Variants in PMM2 observed in about 807,000 individuals in gnomAD.
The protein encoded by PMM2 is phosphomannomutase 2, also known as mannose-6-phosphate isomerase.
Under a neutral mutation model 33.2 loss-of-function variants are expected in PMM2, and 35 were observed. That is an observed-to-expected ratio of 1.06 (90% CI 0.81 to 1.40). The LOEUF (loss-of-function observed/expected upper bound fraction) is 1.40, where lower values mean the gene tolerates loss of function less well. Ranked by LOEUF, PMM2 falls within the 40% of genes most tolerant of loss-of-function variation. PMM2 has a pLI of 0.00. For missense variants in PMM2, 386 were observed against 306.0 expected (o/e 1.26, Z -1.95); for synonymous variants, 153 against 114.7 (o/e 1.33, Z -2.13).
At chr16:8,818,683 T>C (rs926446993) in intron 7 of PMM2, among the ~76,000 whole-genome samples, 11 of 151,006 alleles carry the variant, frequency 7.3e-5, no homozygotes, top group African/African-American at 2.7e-4. Context: ...AAGGGTGCCA[T>C]CTGCTTGGAG....
chr16:8,813,093 A>G lies in PMM2; in HGVS notation c.626A>G (p.Asp209Gly). ...TATAAGACCATTTATTTCTTTGGAGACAAAACTATGCCAGTAAGTAGAGAA... is the reference window on the plus strand; with the variant it reads ...TATAAGACCATTTATTTCTTTGGAGGCAAAACTATGCCAGTAAGTAGAGAA... The part of the protein sequence containing the change: ...DGYKTIYFFG[D>G]KTMPGGNDHE... The change falls in exon 7 of 8, where the codon GAC (aspartate) becomes GGC (glycine). Residue 209 changes from aspartate to glycine, a missense_variant. Coordinates refer to ENST00000268261, the MANE Select transcript of PMM2 (RefSeq NM_000303.3). 1 of 1,592,766 alleles carries G rather than the reference A, an allele frequency of 6.3e-7. No homozygotes were observed. The highest frequency in any genetic ancestry group is 8.6e-7 in the Non-Finnish European group (1 of 1,160,522).
intron 7 of PMM2, among the ~76,000 whole-genome samples, chr16:8,839,307 C>T (rs1056512947): frequency 6.6e-6 from 1 of 151,826 alleles, no homozygotes; most frequent in South Asian, 2.1e-4. Context: ...AAGAAGAGAC[C>T]TTGTGCGAGG....
At chr16:8,827,827 TATA>T (rs1223940967) in intron 7 of PMM2, among the ~76,000 whole-genome samples, 1 of 99,032 alleles carries the variant, frequency 1.0e-5, no homozygotes. Context: ...TAATATATAT[TATA>T]TATATTGTAT....
Position 8,814,319 on chromosome 16 carries a change from C to T in PMM2, c.639+1213C>T, listed in dbSNP as rs2060694274. Among the ~76,000 whole-genome samples the T allele has an allele frequency of 2.0e-5, 3 of 152,194 alleles. No individual in the cohort carries two copies. In the South Asian group the frequency reaches 6.2e-4, roughly 32 times the overall value. On this transcript the variant is annotated intron_variant, in intron 7 of 7. Coordinates refer to ENST00000268261, the MANE Select transcript of PMM2 (RefSeq NM_000303.3). ...AGTTACTCCCATCCTCTGGGCCCCT[C>T]TGCCTCCCTCCCACATGCAGGCTGG...
rs569463699 is a variant in PMM2, at chr16:8,840,866, G to A, written c.640-6858G>A. ...CCAGCTAGGGTGTCTTCATATGGCT[G>A]GGGATCTGGAGTAGGCAAGAGAAGC... On this transcript the variant is annotated intron_variant, in intron 7 of 7. Coordinates refer to ENST00000268261, the MANE Select transcript of PMM2 (RefSeq NM_000303.3). Among the ~76,000 whole-genome samples, 28 of 152,090 alleles carry A rather than the reference G, an allele frequency of 1.8e-4. 1 individual carries two copies. The highest frequency in any genetic ancestry group is 1.2e-3 in the South Asian group (6 of 4,810).
At chr16:8,827,963 TTA>T (rs375365502) in intron 7 of PMM2, among the ~76,000 whole-genome samples, 34 of 116,736 alleles carry the variant, frequency 2.9e-4, no homozygotes, top group Non-Finnish European at 4.6e-4. Flanking sequence ...ATTTATAAAT[TTA>T]TATATATATA....
intron 7 of PMM2, among the ~76,000 whole-genome samples, chr16:8,845,633 C>T (rs1339606413): frequency 6.6e-6 from 1 of 151,676 alleles, no homozygotes; most frequent in South Asian, 2.1e-4. Context: ...GGCTGAAGTA[C>T]AGTGGTCTGT....
intron 7 of PMM2, among the ~76,000 whole-genome samples, chr16:8,840,654 C>A (rs1339367585): frequency 1.3e-5 from 2 of 151,944 alleles, no homozygotes; most frequent in African/African-American, 4.8e-5. Context: ...AGAGTACTTG[C>A]AACTTCCAGG....
intron 2 of PMM2, among the ~76,000 whole-genome samples, chr16:8,802,594 C>T (rs867314262): frequency 2.6e-5 from 4 of 152,028 alleles, no homozygotes; most frequent in South Asian, 2.1e-4. Context: ...TTGGGGAGGC[C>T]GAGGCGGATG....
intron 7 of PMM2, among the ~76,000 whole-genome samples, chr16:8,815,218 CT>C (rs59339190): frequency 0.024 from 3,348 of 138,456 alleles, 114 homozygotes; most frequent in African/African-American, 0.08. Flanking sequence ...TATTTTCTTT[CT>C]TTTTTTTTTT....
At chr16:8,827,978 A>T (rs1236860978) in intron 7 of PMM2, among the ~76,000 whole-genome samples, 5 of 122,832 alleles carry the variant, frequency 4.1e-5, no homozygotes, top group African/African-American at 1.2e-4. Flanking sequence ...TATATATATA[A>T]AACTTGGATA....
rs373753127 is a variant in PMM2, at chr16:8,818,201, G to A, written c.639+5095G>A. Among the ~76,000 whole-genome samples the A allele has an allele frequency of 8.4e-3, 1,212 of 143,436 alleles. 15 individuals are homozygous for A. Among genetic ancestry groups the A allele is most frequent in the African/African-American group, 0.028 (1,135 of 41,054 alleles). 94.1% of individuals were successfully genotyped at this position (143,436 alleles called of 152,430 possible). A position where few individuals can be genotyped will look rare whatever the true frequency, so the allele number is the denominator to read the frequency against. On this transcript the variant is annotated intron_variant, in intron 7 of 7. Transcript: ENST00000268261. ...ACAGGCGTGAGCCACTGCGCCTGGC[G>A]CAAAGAAGATTTTTAATGGCTGTAT...
chr16:8,841,149 G>A (rs993280846), intron 7 of PMM2, among the ~76,000 whole-genome samples: 5,107 of 148,456 alleles, frequency 0.034, 161 homozygotes, highest in Middle Eastern at 0.11. Context: ...CCATTAGTCC[G>A]TTCTACCTTT....
At chr16:8,839,357 C>T (rs2060873999) in intron 7 of PMM2, among the ~76,000 whole-genome samples, 1 of 151,912 alleles carries the variant, frequency 6.6e-6, no homozygotes, top group African/African-American at 2.4e-5. Flanking sequence ...AGGAGTGCTG[C>T]AAGGGGTGTC....
chr16:8,827,748 A>ATATATATATATATATGCACACATT (rs2060779304), intron 7 of PMM2, among the ~76,000 whole-genome samples: 2 of 48,936 alleles, frequency 4.1e-5, no homozygotes, highest in African/African-American at 1.4e-4. Flanking sequence ...ATATATATAT[A>ATATATATATATATATGCACACATT]TATATATATA....
chr16:8,823,738 C>T (rs1305854522), intron 7 of PMM2, among the ~76,000 whole-genome samples: 2 of 152,106 alleles, frequency 1.3e-5, no homozygotes, highest in African/African-American at 2.4e-5. Context: ...TTTTTCTTCT[C>T]ATGGTCCTAA....
intron 7 of PMM2, among the ~76,000 whole-genome samples, chr16:8,845,795 C>CTTTT (rs5815503): frequency 3.6e-5 from 5 of 140,020 alleles, no homozygotes; most frequent in Non-Finnish European, 7.7e-5. Context: ...TGAAAGAAAT[C>CTTTT]TTTTTTTTTT....
At position 8,801,888 on chromosome 16, in the gene PMM2, GCA is replaced by G; in HGVS notation, c.157_158del (p.Gln53GlyfsTer6). The G allele has an allele frequency of 3.7e-6, 6 of 1,609,888 alleles. No homozygotes were observed. Among genetic ancestry groups the G allele is most frequent in the Non-Finnish European group, 5.1e-6 (6 of 1,176,652 alleles). ...VVGGSDFEKV[Q>X]EQLGNDVVEK... ...TAGGCGGATCGGACTTTGAGAAAGT[GCA>G]GGAGCAACTGGGAAATGATGGTAAA... is the stretch of plus-strand genomic sequence containing the variant. On this transcript the variant is annotated frameshift_variant, in exon 2 of 8. Transcript: ENST00000268261. LOFTEE classifies it high-confidence loss of function.
intron 7 of PMM2, chr16:8,832,148 C>A: frequency 1.0e-6 from 1 of 985,428 alleles, no homozygotes; most frequent in African/African-American, 1.7e-5. Context: ...CTCGACACAG[C>A]CCCAAGAAGG....
Sources: gnomAD v4.1 joint callset for allele counts (sites outside exome capture counted in the v4.1 genomes callset) on GRCh38, gnomAD v4.1.1 for gene constraint, MANE v1.5 for transcripts, NCBI Gene and HGNC (gene_info 2026-07-23, HGNC 2026-07-21) for gene names.